The following AP2B1 variants were observed in gnomAD, a reference collection of about 807,000 sequenced individuals.
The protein encoded by AP2B1 is adaptor related protein complex 2 subunit beta 1.
Under a neutral mutation model 102.0 loss-of-function variants are expected in AP2B1, and 23 were observed. The observed-to-expected ratio is 0.23, with a 90% CI of 0.16 to 0.32. The LOEUF (loss-of-function observed/expected upper bound fraction) is 0.32, where lower values mean the gene tolerates loss of function less well. AP2B1 is among the 10% of genes least tolerant of loss of function. AP2B1 has a pLI of 1.00. For synonymous variants in AP2B1, 381 were observed against 421.2 expected (o/e 0.90, Z 1.17); for missense variants, 541 against 1,157.4 (o/e 0.47, Z 7.73).
At chr17:35,609,347 A>G (rs1455446835) in intron 5 of AP2B1, among the ~76,000 whole-genome samples, 2 of 46,850 alleles carry the variant, frequency 4.3e-5, no homozygotes, top group Non-Finnish European at 7.5e-5. Flanking sequence ...ACATCCCGCT[A>G]ATTTTTTTTT....
chr17:35,680,692 T>TTTTGG lies in AP2B1; in HGVS notation c.2325-2000_2325-1999insGGTTT, dbSNP rs761874869. The stretch of plus-strand genomic sequence containing the variant: ...TGCCCAGTCTATGGTTTTGGTTTTT[T>TTTTGG]TTTTTTTGTTTTTTTTTTTTTTTTC... On this transcript the variant is annotated intron_variant, in intron 17 of 21. Coordinates refer to ENST00000610402, the MANE Select transcript of AP2B1 (RefSeq NM_001030006.2). 1.2e-3 allele frequency among the ~76,000 whole-genome samples: 70 copies of TTTTGG among 56,936 alleles called. 1 individual carries two copies. The highest frequency in any genetic ancestry group is 5.5e-3 in the African/African-American group (66 of 11,898). 37.4% of individuals were successfully genotyped at this position (56,936 alleles called of 152,430 possible). A position where few individuals can be genotyped will look rare whatever the true frequency, so the allele number is the denominator to read the frequency against.
chr17:35,709,282 T>TG lies in AP2B1; in HGVS notation c.2514dup (p.Leu839AlafsTer23). On this transcript the variant is annotated frameshift_variant, in exon 19 of 22. Transcript: ENST00000610402. LOFTEE classifies it high-confidence loss of function. ...TTCAGCTGCCTCATCCCACTCAATGTGCTTTTTGTAGAAGATGGCAAAATG... is the reference window on the plus strand; with the variant it reads ...TTCAGCTGCCTCATCCCACTCAATGTGGCTTTTTGTAGAAGATGGCAAAATG... The TG allele has an allele frequency of 6.2e-7, 1 of 1,614,142 alleles. No homozygotes were observed. The highest frequency in any genetic ancestry group is 8.5e-7 in the Non-Finnish European group (1 of 1,180,010).
intron 5 of AP2B1, among the ~76,000 whole-genome samples, chr17:35,616,797 TG>T (rs1480167997): frequency 1.3e-5 from 2 of 152,286 alleles, no homozygotes; most frequent in East Asian, 3.9e-4. Flanking sequence ...AACCATGAAA[TG>T]GCATTTTTCA....
chr17:35,709,383 G>A (rs587681262), intron 19 of AP2B1, 75 bp downstream of exon 19: 1 of 1,271,016 alleles, frequency 7.9e-7, no homozygotes, highest in Non-Finnish European at 1.1e-6. Flanking sequence ...CATAGCCCCA[G>A]AAGTTTTGAG....
intron 5 of AP2B1, among the ~76,000 whole-genome samples, chr17:35,620,832 A>G (rs139380154): frequency 9.0e-4 from 137 of 152,082 alleles, no homozygotes; most frequent in Non-Finnish European, 1.3e-3. Flanking sequence ...AAAAAATACA[A>G]TTTTTTTCTT....
intron 15 of AP2B1, among the ~76,000 whole-genome samples, chr17:35,671,464 A>G (rs913410838): frequency 6.6e-6 from 1 of 152,210 alleles, no homozygotes; most frequent in Non-Finnish European, 1.5e-5. Context: ...GCACAGAATC[A>G]TGGAAGCTAA....
At chr17:35,680,108 G>A (rs587676645) in intron 17 of AP2B1, among the ~76,000 whole-genome samples, 2 of 151,894 alleles carry the variant, frequency 1.3e-5, no homozygotes, top group East Asian at 1.9e-4. Flanking sequence ...GGGTTTCACC[G>A]TATTGGCCAG....
intron 17 of AP2B1, among the ~76,000 whole-genome samples, chr17:35,675,633 C>CTT (rs1199828767): frequency 1.2e-4 from 16 of 137,716 alleles, no homozygotes; most frequent in South Asian, 7.0e-4. Flanking sequence ...TTTTTTTTTC[C>CTT]TTTTTTTTTT....
chr17:35,674,283 G>A lies in AP2B1; in HGVS notation c.2286G>A (p.Gln762=). 3 of 1,614,166 alleles carry A rather than the reference G, an allele frequency of 1.9e-6. No individual in the cohort carries two copies. Among genetic ancestry groups the A allele is most frequent in the Non-Finnish European group, 2.5e-6 (3 of 1,180,020 alleles). Residue 762 remains glutamine (Q), a synonymous_variant, in exon 17 of 22, where the codon CAG becomes CAA. Transcript: ENST00000610402. ...MEMNFTNKAL[Q]HMTDFAIQFN... ...TGAACTTCACCAATAAAGCTCTGCAGCACATGACAGATTTTGCAATCCAGT... is the reference window on the plus strand; with the variant it reads ...TGAACTTCACCAATAAAGCTCTGCAACACATGACAGATTTTGCAATCCAGT...
At position 35,723,752 on chromosome 17, in the gene AP2B1, C is replaced by CA; in HGVS notation, c.*53_*54insA. 3.8e-6 allele frequency: 5 copies of CA among 1,301,910 alleles called. No homozygotes were observed. The highest frequency in any genetic ancestry group is 5.6e-6 in the Non-Finnish European group (5 of 898,140). 80.6% of individuals were successfully genotyped at this position (1,301,910 alleles called of 1,614,324 possible). A position where few individuals can be genotyped will look rare whatever the true frequency, so the allele number is the denominator to read the frequency against. On this transcript the variant is annotated 3_prime_UTR_variant, in exon 22 of 22. Transcript: ENST00000610402. ...TGCTGTGATCGGTGCAAGTCAAGAA[C>CA]TCTTAACTGGAAGAAATTGTATTGC...
intron 19 of AP2B1, 116 bp downstream of exon 19, chr17:35,709,424 G>A: frequency 2.5e-6 from 2 of 797,424 alleles, no homozygotes; most frequent in Non-Finnish European, 4.2e-6. Context: ...AATGGGTTAA[G>A]GATATTCTAA....
chr17:35,603,528 A>G (rs185955718), intron 3 of AP2B1, among the ~76,000 whole-genome samples: 3 of 152,318 alleles, frequency 2.0e-5, no homozygotes, highest in East Asian at 3.9e-4. Flanking sequence ...ATTACTCTCA[A>G]ATTTTCATTT....
chr17:35,623,718 G>A (rs73990219), intron 5 of AP2B1, among the ~76,000 whole-genome samples: 6,775 of 152,254 alleles, frequency 0.044, 179 homozygotes, highest in African/African-American at 0.07. Flanking sequence ...TACAGTTGAT[G>A]AATTATGGTA....
At chr17:35,722,303 T>G (rs1039339722) in intron 21 of AP2B1, among the ~76,000 whole-genome samples, 1 of 152,176 alleles carries the variant, frequency 6.6e-6, no homozygotes, top group Non-Finnish European at 1.5e-5. Flanking sequence ...AAGATGCAAC[T>G]TGGACCAAAA....
chr17:35,689,589 T>C (rs1199964711), intron 18 of AP2B1, among the ~76,000 whole-genome samples: 1 of 152,114 alleles, frequency 6.6e-6, no homozygotes, highest in Non-Finnish European at 1.5e-5. Context: ...TTTGTCATAA[T>C]TTTTTTTGTT....
At chr17:35,712,652 A>T (rs2076475462) in intron 20 of AP2B1, among the ~76,000 whole-genome samples, 1 of 152,178 alleles carries the variant, frequency 6.6e-6, no homozygotes, top group African/African-American at 2.4e-5. Flanking sequence ...AAATAAAAAT[A>T]AAACAAAGAA....
intron 13 of AP2B1, among the ~76,000 whole-genome samples, chr17:35,651,329 C>A (rs1270191951): frequency 6.6e-6 from 1 of 151,706 alleles, no homozygotes; most frequent in East Asian, 1.9e-4. Context: ...TTTCAGTTAC[C>A]TGTACTTTTT....
chr17:35,709,403 G>A, intron 19 of AP2B1, 95 bp downstream of exon 19: 3 of 1,023,802 alleles, frequency 2.9e-6, no homozygotes, highest in Admixed American at 2.0e-5. Flanking sequence ...GTTATTTTGA[G>A]GTTAAAAAAA....
At chr17:35,624,633 A>G (rs763712597) in intron 6 of AP2B1, 46 bp downstream of exon 6, 3 of 1,573,328 alleles carry the variant, frequency 1.9e-6, no homozygotes, top group Admixed American at 3.6e-5. Context: ...TGCCTGATGC[A>G]GTAAGTTCTG....
Sources: gnomAD v4.1 joint callset for allele counts (sites outside exome capture counted in the v4.1 genomes callset) on GRCh38, gnomAD v4.1.1 for gene constraint, MANE v1.5 for transcripts, NCBI Gene and HGNC (gene_info 2026-07-23, HGNC 2026-07-21) for gene names.